Variants in IFT140 observed in about 807,000 individuals in gnomAD.
IFT140 encodes the protein intraflagellar transport protein 140 homolog.
In IFT140, 133 loss-of-function variants were observed where a neutral mutation model predicts 164.6. The observed-to-expected ratio is 0.81, with a 90% CI of 0.70 to 0.93. The LOEUF is 0.93. Among genes scored for constraint, IFT140 ranks in the 40% least tolerant of loss-of-function variants. IFT140 has a pLI of 0.00. For synonymous variants in IFT140, 860 were observed against 817.3 expected, an observed-to-expected ratio of 1.05 and a Z score of -0.89; for missense variants, 2,045 against 1,972.3, an observed-to-expected ratio of 1.04 and a Z score of -0.70.
At chr16:1,590,342 C>A (rs1347489322) in intron 6 of IFT140, among the ~76,000 whole-genome samples, 1 of 152,154 alleles carries the variant, frequency 6.6e-6, no homozygotes, top group African/African-American at 2.4e-5. Context: ...GGTTTCACAT[C>A]CACACTGCTG....
At chr16:1,562,312 C>T (rs2033459075) in intron 17 of IFT140, among the ~76,000 whole-genome samples, 196 bp from the exon 18 acceptor site, 1 of 152,126 alleles carries the variant, frequency 6.6e-6, no homozygotes, top group African/African-American at 2.4e-5. Flanking sequence ...AACACGCCTA[C>T]TGGAAGGACG....
At chr16:1,519,125 AC>A (rs1362431530) in intron 29 of IFT140, among the ~76,000 whole-genome samples, 1 of 152,186 alleles carries the variant, frequency 6.6e-6, no homozygotes, top group African/African-American at 2.4e-5. Context: ...AGCTCAGCAG[AC>A]ATCTGTGAGA....
chr16:1,520,831 C>T (rs1019321066), intron 26 of IFT140, 23 bp from the exon 27 acceptor site: 45 of 1,590,864 alleles, frequency 2.8e-5, no homozygotes, highest in African/African-American at 1.1e-4. Context: ...AGAAATGGGA[C>T]GGGGCTGCCG....
chr16:1,519,818 G>A (rs755083944), intron 29 of IFT140, 63 bp downstream of exon 29: 65 of 1,446,064 alleles, frequency 4.5e-5, no homozygotes, highest in Non-Finnish European at 5.9e-5. Context: ...GGTTTCTCGT[G>A]GTCAGCCCCG....
intron 7 of IFT140, 80 bp from the exon 8 acceptor site, chr16:1,588,104 G>A (rs1377380240): frequency 8.8e-7 from 1 of 1,133,834 alleles, no homozygotes; most frequent in African/African-American, 1.5e-5. Context: ...GGAGTCTCTG[G>A]TCCTCAGTGA....
intron 13 of IFT140, chr16:1,577,234 G>A (rs2034324396): frequency 6.6e-6 from 1 of 152,126 alleles, no homozygotes; most frequent in Admixed American, 6.5e-5. Context: ...CGCCACCTGT[G>A]GATGCCACCA....
At chr16:1,595,828 A>G (rs1410613226) in intron 4 of IFT140, among the ~76,000 whole-genome samples, 1 of 152,028 alleles carries the variant, frequency 6.6e-6, no homozygotes, top group Non-Finnish European at 1.5e-5. Context: ...CGAGGTGAAC[A>G]GATCACTTGA....
At position 1,524,906 on chromosome 16, in the gene IFT140, G is replaced by A. The variant is rs537085826; in HGVS notation, c.2875C>T (p.Arg959Trp). 56 of 1,607,672 alleles carry A rather than the reference G, an allele frequency of 3.5e-5. No homozygotes were observed. The South Asian group carries it at 4.2e-4, about 12-fold the overall frequency. ...VNKMKDKTLW[R>W]WWAQYLESQG... ...CTCTCCAGGTACTGCGCCCACCACC[G>A]CCACAGGGTCCTGCGGGCAGCCCAA... is the stretch of plus-strand genomic sequence containing the variant. Residue 959 changes from arginine (R) to tryptophan (W), a missense_variant, in exon 23 of 31, where the codon CGG (arginine) becomes TGG (tryptophan). Transcript: ENST00000426508.
chr16:1,602,644 T>A, intron 3 of IFT140, 53 bp from the exon 4 acceptor site: 1 of 1,546,086 alleles, frequency 6.5e-7, no homozygotes, highest in Non-Finnish European at 8.8e-7. Context: ...CAGCTACTTT[T>A]AAGAACTTCT....
At chr16:1,548,866 G>A (rs1231095598) in intron 19 of IFT140, among the ~76,000 whole-genome samples, 1 of 152,260 alleles carries the variant, frequency 6.6e-6, no homozygotes, top group East Asian at 1.9e-4. Context: ...AGCTACAGGC[G>A]CCTCTGCATT....
chr16:1,553,145 A>AG lies in IFT140; in HGVS notation c.2399+4789dup. Reference sequence around the variant, plus strand: ...ATGAAAAGATAATGCTTGGGTTTTTAGGAAAAACAAGGCTGGTTACCCATC... The same window carrying AG: ...ATGAAAAGATAATGCTTGGGTTTTTAGGGAAAAACAAGGCTGGTTACCCATC... On this transcript the variant is annotated intron_variant, in intron 19 of 30. Coordinates refer to ENST00000426508, the MANE Select transcript of IFT140 (RefSeq NM_014714.4). This position sits in a 1 kb window ranked among gnomAD's most constrained non-coding sequence, Gnocchi z 4.4. 1 of 985,392 alleles carries AG rather than the reference A, an allele frequency of 1.0e-6. No individual in the cohort carries two copies. The highest frequency in any genetic ancestry group is 1.2e-6 in the Non-Finnish European group (1 of 829,930). The allele number at this position is 985,392 out of a possible 1,614,324, so 61.0% of individuals were successfully genotyped here.
At chr16:1,529,999 A>G (rs1319749723) in intron 19 of IFT140, among the ~76,000 whole-genome samples, 3 of 152,068 alleles carry the variant, frequency 2.0e-5, no homozygotes, top group Admixed American at 6.6e-5. Flanking sequence ...CAGACGTCTC[A>G]CTTCTCTAAC....
In IFT140 at chr16:1,536,405, G is replaced by A. The variant is rs528781758; in HGVS notation, c.2400-9609C>T. ...GACTGCCTCCTGCTCACCTGCCTGCGTCCACTGCTCCTCCCTGAGCCCTGG... is the reference window on the plus strand; with the variant it reads ...GACTGCCTCCTGCTCACCTGCCTGCATCCACTGCTCCTCCCTGAGCCCTGG... On this transcript the variant is annotated intron_variant, in intron 19 of 30. Coordinates refer to ENST00000426508, the MANE Select transcript of IFT140 (RefSeq NM_014714.4). Among the ~76,000 whole-genome samples, 13 of 152,240 alleles carry A rather than the reference G, an allele frequency of 8.5e-5. No individual in the cohort carries two copies. The South Asian group carries it at 1.9e-3, about 22-fold the overall frequency.
chr16:1,598,308 A>C (rs1055590026), intron 4 of IFT140, among the ~76,000 whole-genome samples: 3 of 152,162 alleles, frequency 2.0e-5, no homozygotes, highest in Non-Finnish European at 2.9e-5. Context: ...AATACAAAAA[A>C]TTAGCCAGGC....
intron 9 of IFT140, among the ~76,000 whole-genome samples, chr16:1,586,689 C>T (rs1044794764): frequency 1.3e-5 from 2 of 152,186 alleles, no homozygotes; most frequent in African/African-American, 2.4e-5. Flanking sequence ...CAGGAGGGAA[C>T]AGAGATCAAT....
chr16:1,551,499 G>A lies in IFT140; in HGVS notation c.2399+6436C>T, dbSNP rs2032633262. Among the ~76,000 whole-genome samples, 1 of 152,178 alleles carries A rather than the reference G, an allele frequency of 6.6e-6. No individual in the cohort carries two copies. Among genetic ancestry groups the A allele is most frequent in the Non-Finnish European group, 1.5e-5 (1 of 68,018 alleles). ...CAGGGGAGACCCTAAGGCGATGGGA[G>A]CCACAAGGGTGCTGAGTGCTGGGGA... On this transcript the variant is annotated intron_variant, in intron 19 of 30. Coordinates refer to ENST00000426508, the MANE Select transcript of IFT140 (RefSeq NM_014714.4). The surrounding 1 kb of genome is among the most constrained non-coding windows in gnomAD (Gnocchi z 4.0).
At chr16:1,514,637 TAAAATGAACCAAAA>T (rs911987608) in intron 30 of IFT140, 3 of 151,858 alleles carry the variant, frequency 2.0e-5, no homozygotes, top group Non-Finnish European at 4.4e-5. Flanking sequence ...GATTGCCTAA[TAAAATGAACCAAAA>T]AAAAGCAATA....
intron 30 of IFT140, among the ~76,000 whole-genome samples, chr16:1,512,493 A>G (rs2040203372): frequency 6.6e-6 from 1 of 152,130 alleles, no homozygotes; most frequent in African/African-American, 2.4e-5. Flanking sequence ...ATCTCGAGTT[A>G]CTAAATTCCA....
chr16:1,600,944 C>A (rs753810286), intron 4 of IFT140, among the ~76,000 whole-genome samples: 2 of 151,606 alleles, frequency 1.3e-5, no homozygotes, highest in East Asian at 1.9e-4. Flanking sequence ...ACTAACCAAC[C>A]AACTGACCAG....
Sources: allele counts gnomAD v4.1 joint callset (sites outside exome capture counted in the v4.1 genomes callset), GRCh38; gene constraint gnomAD v4.1.1; non-coding constraint Gnocchi (gnomAD v3.1); transcripts MANE v1.5; gene names NCBI Gene and HGNC (gene_info 2026-07-23, HGNC 2026-07-21).